RPS6KC1: variants seen among roughly 807,000 people sequenced by gnomAD.
RPS6KC1 encodes inactive ribosomal protein S6 kinase delta-1.
In RPS6KC1, 54 loss-of-function variants were observed where a neutral mutation model predicts 103.8. The ratio of observed to expected loss-of-function variants is 0.52; its 90% CI spans 0.42 to 0.65. The LOEUF is 0.65. Among genes scored for constraint, RPS6KC1 ranks in the 30% least tolerant of loss-of-function variants. The probability of loss-of-function intolerance (pLI) is 0.00; values close to 1 mark genes in which losing one functional copy is unlikely to be tolerated. For synonymous variants in RPS6KC1, 439 were observed against 438.7 expected, an observed-to-expected ratio of 1.00 and a Z score of -0.01; for missense variants, 1,151 against 1,253.8, an observed-to-expected ratio of 0.92 and a Z score of 1.24.
the RPS6KC1 span, among the ~76,000 whole-genome samples, chr1:213,727,101 C>A: frequency 6.6e-6 from 1 of 152,176 alleles, no homozygotes; most frequent in Admixed American, 6.5e-5. Flanking sequence ...AGCACATTGA[C>A]CCGACCCTTT....
chr1:213,670,412 A>G, the RPS6KC1 span, among the ~76,000 whole-genome samples: 1 of 152,224 alleles, frequency 6.6e-6, no homozygotes, highest in African/African-American at 2.4e-5. Flanking sequence ...GCAGCTCCAC[A>G]GGTGAGCAAC....
chr1:213,186,933 C>T (rs879524831), intron 8 of RPS6KC1, among the ~76,000 whole-genome samples: 3 of 152,078 alleles, frequency 2.0e-5, no homozygotes, highest in Non-Finnish European at 4.4e-5. Context: ...TTTCAGACAG[C>T]GTCTCACCAT....
chr1:213,598,141 G>A, the RPS6KC1 span, among the ~76,000 whole-genome samples: 1 of 152,160 alleles, frequency 6.6e-6, no homozygotes. Flanking sequence ...ATAACCATGT[G>A]AGAAAGCATA....
the RPS6KC1 span, among the ~76,000 whole-genome samples, chr1:213,769,223 G>A: frequency 6.6e-6 from 1 of 152,158 alleles, no homozygotes; most frequent in Non-Finnish European, 1.5e-5. Context: ...GAGAAATGGG[G>A]GACAGGAATT....
chr1:213,106,005 A>G (rs1464056897), intron 4 of RPS6KC1, among the ~76,000 whole-genome samples: 2 of 152,220 alleles, frequency 1.3e-5, no homozygotes, highest in African/African-American at 4.8e-5. Flanking sequence ...TTAGCTGTTC[A>G]TTGTATTTCT....
At chr1:213,372,583 G>A in the RPS6KC1 span, among the ~76,000 whole-genome samples, 1 of 152,148 alleles carries the variant, frequency 6.6e-6, no homozygotes, top group Non-Finnish European at 1.5e-5. Flanking sequence ...TGGGAACTTC[G>A]CTTTGTCATT....
At chr1:213,818,373 C>T in the RPS6KC1 span, 1 of 152,530 alleles carries the variant, frequency 6.6e-6, no homozygotes, top group African/African-American at 2.4e-5. Flanking sequence ...AAAAGTGCTA[C>T]TCCAGTGAAC....
At chr1:213,635,460 C>T in the RPS6KC1 span, among the ~76,000 whole-genome samples, 3 of 152,166 alleles carry the variant, frequency 2.0e-5, no homozygotes, top group African/African-American at 7.2e-5. Flanking sequence ...AAGGCTGGTT[C>T]AACATATGCA....
At chr1:213,357,902 G>GCT in the RPS6KC1 span, among the ~76,000 whole-genome samples, 28 of 152,262 alleles carry the variant, frequency 1.8e-4, no homozygotes, top group Middle Eastern at 3.4e-3. Context: ...GTACCGCTTG[G>GCT]CATGAGGCAT....
chr1:213,343,585 GAGCTA>G, the RPS6KC1 span, among the ~76,000 whole-genome samples: 1 of 151,394 alleles, frequency 6.6e-6, no homozygotes. Flanking sequence ...TCATAAGTGA[GAGCTA>G]AGCTATGAGG....
intron 6 of RPS6KC1, among the ~76,000 whole-genome samples, chr1:213,163,633 C>T (rs957151332): frequency 1.3e-5 from 2 of 150,134 alleles, no homozygotes; most frequent in African/African-American, 4.9e-5. Flanking sequence ...TTCTAGGTTG[C>T]GAAACTGAAT....
Position 213,272,765 on chromosome 1 carries a change from G to A in RPS6KC1, c.*131G>A. The A allele has an allele frequency of 1.6e-6, 1 of 639,440 alleles. No individual in the cohort carries two copies. The highest frequency in any genetic ancestry group is 2.8e-6 in the Non-Finnish European group (1 of 359,110). 39.6% of individuals were successfully genotyped at this position (639,440 alleles called of 1,614,324 possible). A position where few individuals can be genotyped will look rare whatever the true frequency, so the allele number is the denominator to read the frequency against. On this transcript the variant is annotated 3_prime_UTR_variant, in exon 15 of 15. Coordinates refer to ENST00000366960, the MANE Select transcript of RPS6KC1 (RefSeq NM_012424.6). ...TGGATAAAGACCGTTATAGGAAATG[G>A]GGGGGAAATGGCTAAAAGAGAACAA... is the stretch of plus-strand genomic sequence containing the variant.
the RPS6KC1 span, among the ~76,000 whole-genome samples, chr1:213,537,145 A>C: frequency 6.6e-6 from 1 of 152,080 alleles, no homozygotes; most frequent in African/African-American, 2.4e-5. Context: ...TATAATCCAA[A>C]TCTCAGGGCC....
the RPS6KC1 span, among the ~76,000 whole-genome samples, chr1:213,534,179 A>T: frequency 3.3e-5 from 5 of 152,320 alleles, no homozygotes; most frequent in South Asian, 1.0e-3. Flanking sequence ...TGCTGTGATC[A>T]ATTAGTGATG....
chr1:213,675,479 T>G, the RPS6KC1 span, among the ~76,000 whole-genome samples: 1 of 152,244 alleles, frequency 6.6e-6, no homozygotes, highest in East Asian at 1.9e-4. Context: ...AGTGTTATTC[T>G]TTCGCATATG....
intron 11 of RPS6KC1, 107 bp downstream of exon 11, chr1:213,242,404 C>A: frequency 1.5e-6 from 2 of 1,345,384 alleles, no homozygotes; most frequent in South Asian, 2.5e-5. Context: ...TCTAGAGCTT[C>A]ATTATCAGTG....
At chr1:213,386,490 A>G in the RPS6KC1 span, among the ~76,000 whole-genome samples, 1 of 152,178 alleles carries the variant, frequency 6.6e-6, no homozygotes. Flanking sequence ...CACAGTGCCC[A>G]TATTACTGTT....
At chr1:213,695,202 G>T in the RPS6KC1 span, among the ~76,000 whole-genome samples, 1 of 152,208 alleles carries the variant, frequency 6.6e-6, no homozygotes, top group Non-Finnish European at 1.5e-5. Context: ...CTTGAAAGAT[G>T]AGTAAGAATT....
chr1:213,456,549 T>C, the RPS6KC1 span, among the ~76,000 whole-genome samples: 1 of 152,166 alleles, frequency 6.6e-6, no homozygotes, highest in African/African-American at 2.4e-5. Context: ...CCTACTCTTA[T>C]CTGCCACATG....
Sources: gnomAD v4.1 joint callset for allele counts (sites outside exome capture counted in the v4.1 genomes callset) on GRCh38, gnomAD v4.1.1 for gene constraint, MANE v1.5 for transcripts, NCBI Gene and HGNC (gene_info 2026-07-23, HGNC 2026-07-21) for gene names.